The following KCNB2 variants were observed in gnomAD, a reference collection of about 807,000 sequenced individuals.
The protein encoded by KCNB2 is potassium voltage-gated channel subfamily B member 2.
KCNB2 carries 15 observed loss-of-function variants against 61.5 expected under a neutral mutation model. That is an observed-to-expected ratio of 0.24 (90% CI 0.16 to 0.38). The LOEUF (loss-of-function observed/expected upper bound fraction) is 0.38, where lower values mean the gene tolerates loss of function less well. Ranked by LOEUF, KCNB2 falls within the 10% of genes least tolerant of loss-of-function variation. KCNB2 has a pLI of 1.00. For synonymous variants in KCNB2, 457 were observed against 446.0 expected, an observed-to-expected ratio of 1.02 and a Z score of -0.31; for missense variants, 828 against 1,125.2, an observed-to-expected ratio of 0.74 and a Z score of 3.78.
chr8:72,544,514 A>G (rs1431165734), intron 1 of KCNB2, among the ~76,000 whole-genome samples: 2 of 152,220 alleles, frequency 1.3e-5, no homozygotes, highest in East Asian at 3.9e-4. Context: ...CAAGGAATAC[A>G]ACTAAGATAA....
At chr8:72,561,691 T>TTTTATATA (rs1554576093) in intron 1 of KCNB2, among the ~76,000 whole-genome samples, 12 of 19,400 alleles carry the variant, frequency 6.2e-4, no homozygotes, top group Admixed American at 8.8e-4. Context: ...GATCTTACTT[T>TTTTATATA]TATATATATA....
chr8:72,542,962 T>C (rs1806210692), intron 1 of KCNB2, among the ~76,000 whole-genome samples: 1 of 152,210 alleles, frequency 6.6e-6, no homozygotes, highest in Non-Finnish European at 1.5e-5. Flanking sequence ...CCAAATATTA[T>C]AAATGCTATT....
In KCNB2 at chr8:72,538,439, A is replaced by G. The variant is rs962751299; in HGVS notation, c.-94+554A>G. Among the ~76,000 whole-genome samples, 8 of 152,214 alleles carry G rather than the reference A, an allele frequency of 5.3e-5. No individual in the cohort carries two copies. The East Asian group carries it at 1.5e-3, about 29-fold the overall frequency. ...TGAATAGCACCAAAAGACATCGACC[A>G]TTTGCCTCATCATTTGCTCCCGATG... On this transcript the variant is annotated intron_variant, in intron 1 of 2. Transcript: ENST00000523207.
chr8:72,600,344 CA>C (rs1478372449), intron 2 of KCNB2, among the ~76,000 whole-genome samples: 4 of 151,250 alleles, frequency 2.6e-5, no homozygotes, highest in East Asian at 3.9e-4. Context: ...ATCACAAGGA[CA>C]AAAAAACAAA....
intron 2 of KCNB2, among the ~76,000 whole-genome samples, chr8:72,654,889 T>C (rs1198200092): frequency 2.0e-5 from 3 of 152,166 alleles, no homozygotes; most frequent in Non-Finnish European, 4.4e-5. Flanking sequence ...GGAAAGCAGT[T>C]TGGCGATTTC....
At chr8:72,612,456 T>G (rs2128983481) in intron 2 of KCNB2, among the ~76,000 whole-genome samples, 1 of 152,326 alleles carries the variant, frequency 6.6e-6, no homozygotes, top group Middle Eastern at 3.4e-3. Context: ...TTGCTTCCAG[T>G]TCTTTGTCAT....
intron 2 of KCNB2, among the ~76,000 whole-genome samples, chr8:72,620,116 A>G (rs1022427155): frequency 6.6e-6 from 1 of 152,254 alleles, no homozygotes; most frequent in Non-Finnish European, 1.5e-5. Flanking sequence ...ACCTGTTTAC[A>G]TCTACTTTTA....
At chr8:72,711,506 T>C (rs1442437967) in intron 2 of KCNB2, among the ~76,000 whole-genome samples, 2 of 152,156 alleles carry the variant, frequency 1.3e-5, no homozygotes, top group East Asian at 3.9e-4. Context: ...CAAGAGCATA[T>C]AGGAGGGAAA....
chr8:72,732,289 G>A (rs987129670), intron 2 of KCNB2, among the ~76,000 whole-genome samples: 5 of 152,168 alleles, frequency 3.3e-5, no homozygotes, highest in African/African-American at 1.2e-4. Flanking sequence ...GAACCTGTGA[G>A]CACTACAGTT....
At position 72,936,814 on chromosome 8, in the gene KCNB2, C is replaced by T. The variant is rs145767327; in HGVS notation, c.1459C>T (p.Leu487=). Residue 487 remains leucine (L), a synonymous_variant, in exon 3 of 3, where the codon CTG becomes TTG. Coordinates refer to ENST00000523207, the MANE Select transcript of KCNB2 (RefSeq NM_004770.3). This position sits in a 1 kb window ranked among gnomAD's most constrained non-coding sequence, Gnocchi z 5.6. ...AAAGGACTCCGCCGACGATAATCAC[C>T]TGTCGCCAAGCCGGTGGAAGTGGGC... is the stretch of plus-strand genomic sequence containing the variant. ...NTKDSADDNH[L]SPSRWKWARK... 2 of 1,614,138 alleles carry T rather than the reference C, an allele frequency of 1.2e-6. No individual in the cohort carries two copies. The highest frequency in any genetic ancestry group is 2.7e-5 in the African/African-American group (2 of 75,046).
chr8:72,720,683 G>A (rs183462238), intron 2 of KCNB2, among the ~76,000 whole-genome samples: 564 of 152,220 alleles, frequency 3.7e-3, no homozygotes, highest in Non-Finnish European at 5.8e-3. Flanking sequence ...ACAGTGACTA[G>A]CACATAGTAG....
chr8:72,898,306 G>T lies in KCNB2; in HGVS notation c.580-37629G>T, dbSNP rs28421480. Among the ~76,000 whole-genome samples the T allele has an allele frequency of 2.8e-4, 42 of 152,024 alleles. No homozygotes were observed. The South Asian group carries it at 8.3e-3, about 30-fold the overall frequency. On this transcript the variant is annotated intron_variant, in intron 2 of 2. Coordinates refer to ENST00000523207, the MANE Select transcript of KCNB2 (RefSeq NM_004770.3). ...GGGGCCTTTTGTGGGGTAGGGGAAG[G>T]GGGGAGGGATAGCATTAGGAGATAT... is the stretch of plus-strand genomic sequence containing the variant.
At chr8:72,603,277 A>G (rs1805388148) in intron 2 of KCNB2, among the ~76,000 whole-genome samples, 2 of 152,132 alleles carry the variant, frequency 1.3e-5, no homozygotes, top group South Asian at 2.1e-4. Flanking sequence ...CTTTTTAACC[A>G]TGACACCCAC....
chr8:72,702,016 A>G (rs937249824), intron 2 of KCNB2, among the ~76,000 whole-genome samples: 3 of 152,162 alleles, frequency 2.0e-5, no homozygotes, highest in East Asian at 1.9e-4. Context: ...AATTAGGTGT[A>G]TTTTCTAAGT....
rs796222096 is a variant in KCNB2, at chr8:72,841,361, C to CTTTTTTTTTTTTT, written c.580-94564_580-94563insTTTTTTTTTTTTT. ...GATACCTCCAACTTTGTTTTCTTTT[C>CTTTTTTTTTTTTT]TTTTTTTTTTCTTTTTTTTTTTTTT... On this transcript the variant is annotated intron_variant, in intron 2 of 2. Transcript: ENST00000523207. Among the ~76,000 whole-genome samples, 5 of 66,192 alleles carry CTTTTTTTTTTTTT rather than the reference C, an allele frequency of 7.6e-5. 2 individuals carry two copies. The highest frequency in any genetic ancestry group is 4.3e-4 in the East Asian group (1 of 2,320). 43.4% of individuals were successfully genotyped at this position (66,192 alleles called of 152,430 possible).
At chr8:72,618,846 AT>A in intron 2 of KCNB2, 2 of 241,598 alleles carry the variant, frequency 8.3e-6, no homozygotes, top group Non-Finnish European at 1.7e-5. Flanking sequence ...ATAGAACTCC[AT>A]TTTTTTCTTC....
intron 2 of KCNB2, among the ~76,000 whole-genome samples, chr8:72,577,043 G>C (rs1806805321): frequency 6.6e-6 from 1 of 152,152 alleles, no homozygotes; most frequent in African/African-American, 2.4e-5. Context: ...TTTTGGCTGT[G>C]CATATATCTA....
intron 2 of KCNB2, among the ~76,000 whole-genome samples, chr8:72,687,109 C>T (rs2128989675): frequency 6.6e-6 from 1 of 152,250 alleles, no homozygotes; most frequent in Non-Finnish European, 1.5e-5. Flanking sequence ...ATAATGTCTT[C>T]ATAAATATTT....
chr8:72,611,954 T>C (rs1162390016), intron 2 of KCNB2, among the ~76,000 whole-genome samples: 1 of 152,098 alleles, frequency 6.6e-6, no homozygotes, highest in Non-Finnish European at 1.5e-5. Flanking sequence ...GCCTGAAACA[T>C]GTTAAAAAAA....
Sources: gnomAD v4.1 joint callset for allele counts (sites outside exome capture counted in the v4.1 genomes callset) on GRCh38, gnomAD v4.1.1 for gene constraint, Gnocchi (gnomAD v3.1) non-coding constraint, MANE v1.5 for transcripts, NCBI Gene and HGNC (gene_info 2026-07-23, HGNC 2026-07-21) for gene names.